The following MYOM1 variants were observed in gnomAD, a reference collection of about 807,000 sequenced individuals.
The protein encoded by MYOM1 is myomesin-1.
MYOM1 carries 164 observed loss-of-function variants against 205.3 expected under a neutral mutation model. The ratio of observed to expected loss-of-function variants is 0.80; its 90% CI spans 0.70 to 0.91. The LOEUF (loss-of-function observed/expected upper bound fraction) is 0.91. Ranked by LOEUF, MYOM1 falls within the 40% of genes least tolerant of loss-of-function variation. MYOM1 has a pLI of 0.00. For missense variants in MYOM1, 2,011 were observed against 2,127.3 expected, an observed-to-expected ratio of 0.95 and a Z score of 1.08; for synonymous variants, 772 against 789.4, an observed-to-expected ratio of 0.98 and a Z score of 0.37.
At chr18:3,123,676 A>AT (rs1356723349) in intron 19 of MYOM1, among the ~76,000 whole-genome samples, 8,732 of 140,304 alleles carry the variant, frequency 0.062, 604 homozygotes, top group African/African-American at 0.18. Context: ...TATTATTACT[A>AT]TTTTTTTTTT....
At chr18:3,225,267 G>A in the MYOM1 span, among the ~76,000 whole-genome samples, 3 of 152,206 alleles carry the variant, frequency 2.0e-5, no homozygotes, top group Non-Finnish European at 2.9e-5. Context: ...GATTACAGGC[G>A]TGAGCCACCG....
chr18:3,086,255 G>T (rs1019219495), intron 29 of MYOM1, 104 bp from the exon 30 acceptor site: 3 of 559,954 alleles, frequency 5.4e-6, no homozygotes, highest in Non-Finnish European at 8.9e-6. Context: ...AGCACTGAAC[G>T]TGGAGTGAGA....
At chr18:3,126,602 C>A in intron 19 of MYOM1, 99 bp downstream of exon 19, 1 of 1,036,814 alleles carries the variant, frequency 9.6e-7, no homozygotes, top group South Asian at 2.0e-5. Flanking sequence ...GGAGAAATGA[C>A]GTGACTCTCT....
intron 14 of MYOM1, among the ~76,000 whole-genome samples, chr18:3,141,484 A>G (rs549974419): frequency 2.0e-5 from 3 of 151,890 alleles, no homozygotes; most frequent in East Asian, 1.9e-4. Flanking sequence ...TGTCTTCCAC[A>G]CTCCCGGCCA....
the MYOM1 span, among the ~76,000 whole-genome samples, chr18:3,240,580 T>C: frequency 6.6e-6 from 1 of 152,244 alleles, no homozygotes; most frequent in Non-Finnish European, 1.5e-5. Flanking sequence ...CATTCTTTTT[T>C]AAATTGCCCA....
intron 18 of MYOM1, among the ~76,000 whole-genome samples, chr18:3,127,868 A>C (rs1419923614): frequency 6.6e-6 from 1 of 152,226 alleles, no homozygotes; most frequent in Non-Finnish European, 1.5e-5. Flanking sequence ...AATACTATAC[A>C]GCTGTCACCA....
At chr18:3,185,550 G>A (rs1002451073) in intron 5 of MYOM1, among the ~76,000 whole-genome samples, 2 of 151,838 alleles carry the variant, frequency 1.3e-5, no homozygotes, top group African/African-American at 4.8e-5. Context: ...TTTTTGAGGT[G>A]GGAAGTAATT....
At chr18:3,085,674 T>C (rs1244121589) in intron 30 of MYOM1, among the ~76,000 whole-genome samples, 1 of 152,226 alleles carries the variant, frequency 6.6e-6, no homozygotes, top group Non-Finnish European at 1.5e-5. Flanking sequence ...ATTTAAATGC[T>C]GTGCTCTTTT....
At position 3,122,353 on chromosome 18, in the gene MYOM1, C is replaced by G. The variant is rs143843928; in HGVS notation, c.2992-2358G>C. Among the ~76,000 whole-genome samples the G allele has an allele frequency of 6.7e-3, 1,014 of 151,984 alleles. 11 individuals carry two copies. Among genetic ancestry groups the G allele is most frequent in the African/African-American group, 0.023 (968 of 41,454 alleles). ...AGCTACATACCATGCAAAAGTCACC[C>G]CACCCCAAAACCCTAGTGTATCTAT... On this transcript the variant is annotated intron_variant, in intron 19 of 37. Coordinates refer to ENST00000356443, the MANE Select transcript of MYOM1 (RefSeq NM_003803.4).
rs549386891 is a variant in MYOM1 at position 3,182,913 on chromosome 18, CTTTTTTTTTTTTT to C, written c.929+4554_929+4566del. On this transcript the variant is annotated intron_variant, in intron 5 of 37. Transcript: ENST00000356443. ...CCTCTGCAACTAACTTTTCTTTCTT[CTTTTTTTTTTTTT>C]TTTTTTTTTTTTTTTTGAGACAGAG... is the stretch of plus-strand genomic sequence containing the variant. Among the ~76,000 whole-genome samples the C allele has an allele frequency of 7.5e-3, 691 of 92,294 alleles. 11 individuals carry two copies. Among genetic ancestry groups the C allele is most frequent in the Non-Finnish European group, 8.9e-3 (387 of 43,310 alleles). 60.5% of individuals were successfully genotyped at this position (92,294 alleles called of 152,430 possible).
chr18:3,222,402 T>C (rs2081335994), upstream of MYOM1, among the ~76,000 whole-genome samples: 1 of 152,244 alleles, frequency 6.6e-6, no homozygotes, highest in South Asian at 2.1e-4. Flanking sequence ...GCTTCTTTTG[T>C]CTAAACTTAC....
chr18:3,229,756 G>A, the MYOM1 span, among the ~76,000 whole-genome samples: 2 of 152,078 alleles, frequency 1.3e-5, no homozygotes, highest in African/African-American at 4.8e-5. Context: ...GATCACCTGA[G>A]GTCGAGAGTT....
intron 34 of MYOM1, 54 bp from the exon 35 acceptor site, chr18:3,075,815 C>T (rs2079015927): frequency 1.4e-6 from 2 of 1,475,138 alleles, no homozygotes; most frequent in Non-Finnish European, 9.2e-7. Context: ...TGATGACACA[C>T]AGGGGCGATT....
chr18:3,242,268 G>A, the MYOM1 span, among the ~76,000 whole-genome samples: 4 of 152,100 alleles, frequency 2.6e-5, no homozygotes, highest in South Asian at 6.2e-4. Flanking sequence ...GTTGTGGGAC[G>A]GACCCAGTGG....
intron 14 of MYOM1, among the ~76,000 whole-genome samples, chr18:3,140,529 G>C (rs2080033831): frequency 6.6e-6 from 1 of 152,170 alleles, no homozygotes; most frequent in South Asian, 2.1e-4. Flanking sequence ...TATCCATATT[G>C]CATGTAGAGG....
chr18:3,185,505 GT>G (rs1269365215), intron 5 of MYOM1, among the ~76,000 whole-genome samples: 1 of 151,860 alleles, frequency 6.6e-6, no homozygotes, highest in African/African-American at 2.4e-5. Context: ...ATTTGTTATT[GT>G]TTGTGCATTT....
chr18:3,160,466 G>A (rs532919347), intron 10 of MYOM1, among the ~76,000 whole-genome samples: 4 of 152,136 alleles, frequency 2.6e-5, no homozygotes, highest in Non-Finnish European at 4.4e-5. Flanking sequence ...GATTACAGGC[G>A]TGAGCCATTG....
the MYOM1 span, among the ~76,000 whole-genome samples, chr18:3,236,795 A>G: frequency 1.3e-5 from 2 of 152,210 alleles, no homozygotes; most frequent in East Asian, 1.9e-4. Flanking sequence ...GGTCAGCTCA[A>G]AAGGACGGCT....
chr18:3,156,887 G>A (rs1171715095), intron 10 of MYOM1, among the ~76,000 whole-genome samples: 1 of 152,218 alleles, frequency 6.6e-6, no homozygotes, highest in East Asian at 1.9e-4. Flanking sequence ...GGGATTACAG[G>A]CGTGAGCCAC....
Sources: gnomAD v4.1 joint callset for allele counts (sites outside exome capture counted in the v4.1 genomes callset) on GRCh38, gnomAD v4.1.1 for gene constraint, MANE v1.5 for transcripts, NCBI Gene and HGNC (gene_info 2026-07-23, HGNC 2026-07-21) for gene names.